Variants in RBMS1 observed in about 807,000 individuals in gnomAD.
RBMS1 encodes the protein RNA-binding motif, single-stranded-interacting protein 1.
In RBMS1, 17 loss-of-function variants were observed where a neutral mutation model predicts 62.3. The observed-to-expected ratio is 0.27, with a 90% CI of 0.19 to 0.41. The LOEUF (loss-of-function observed/expected upper bound fraction) is 0.41. Ranked by LOEUF, RBMS1 falls within the 10% of genes least tolerant of loss-of-function variation. RBMS1 has a pLI of 1.00. For synonymous variants in RBMS1, 172 were observed against 170.0 expected (o/e 1.01, Z -0.09); for missense variants, 334 against 504.5 (o/e 0.66, Z 3.24).
chr2:160,313,213 T>C lies in RBMS1; in HGVS notation c.345A>G (p.Ala115=). ...YGFVDFDSPA[A]AQKAVSALKA... Reference sequence around the variant, plus strand: ...TCAGGGCAGACACAGCTTTTTGAGCTGCTGCAGGGCTGTCAAAGTCGACAA... The same window carrying C: ...TCAGGGCAGACACAGCTTTTTGAGCCGCTGCAGGGCTGTCAAAGTCGACAA... Residue 115 remains alanine (A), a synonymous_variant, in exon 4 of 14, where the codon GCA becomes GCG. Transcript: ENST00000348849. The C allele has an allele frequency of 6.2e-7, 1 of 1,613,646 alleles. No homozygotes were observed. The highest frequency in any genetic ancestry group is 2.2e-5 in the East Asian group (1 of 44,822).
At chr2:160,471,716 T>TATATATATATATATATATA (rs371634389) in intron 1 of RBMS1, among the ~76,000 whole-genome samples, 46 of 76,200 alleles carry the variant, frequency 6.0e-4, no homozygotes, top group African/African-American at 8.4e-4. Context: ...TATATATATA[T>TATATATATATATATATATA]AACCTTTCAT....
At chr2:160,483,507 TCAG>T (rs1388596146) in intron 1 of RBMS1, among the ~76,000 whole-genome samples, 2 of 152,138 alleles carry the variant, frequency 1.3e-5, no homozygotes, top group Non-Finnish European at 2.9e-5. Flanking sequence ...GGATAAAGAA[TCAG>T]AAGAGAAAAC....
intron 1 of RBMS1, among the ~76,000 whole-genome samples, chr2:160,450,606 AGTG>A (rs1304095842): frequency 1.3e-5 from 2 of 151,042 alleles, no homozygotes; most frequent in Non-Finnish European, 3.0e-5. Context: ...AGTTTGTAAT[AGTG>A]GTGGTTTGTT....
chr2:160,404,348 C>T lies in RBMS1; in HGVS notation c.76-36957G>A, dbSNP rs751457088. Among the ~76,000 whole-genome samples the T allele has an allele frequency of 7.9e-5, 12 of 152,242 alleles. No individual in the cohort carries two copies. The East Asian group carries it at 2.1e-3, about 27-fold the overall frequency. The stretch of plus-strand genomic sequence containing the variant: ...CGTGGGGGCAGGTGAGAGATGAGTA[C>T]CAACCACCGCTGCTTTAACTGAAAC... On this transcript the variant is annotated intron_variant, in intron 1 of 13. Coordinates refer to ENST00000348849, the MANE Select transcript of RBMS1 (RefSeq NM_016836.4).
chr2:160,478,146 T>C (rs1292931501), intron 1 of RBMS1, among the ~76,000 whole-genome samples: 1 of 152,246 alleles, frequency 6.6e-6, no homozygotes, highest in Non-Finnish European at 1.5e-5. Flanking sequence ...ATGACACTTG[T>C]CAAATAATAA....
intron 11 of RBMS1, chr2:160,277,742 G>A: frequency 5.2e-6 from 1 of 190,508 alleles, no homozygotes; most frequent in South Asian, 9.6e-5. Flanking sequence ...TTTTCTAGCA[G>A]CCCCCTAAAC....
In RBMS1 at chr2:160,275,838, G is replaced by A. The variant is rs150896882; in HGVS notation, c.1144-124C>T. 717 of 1,340,706 alleles carry A rather than the reference G, an allele frequency of 5.3e-4. 5 individuals carry two copies. The African/African-American group carries it at 8.8e-3, about 16-fold the overall frequency. The allele number at this position is 1,340,706 out of a possible 1,614,324, so 83.1% of individuals were successfully genotyped here. On this transcript the variant is annotated intron_variant, in intron 12 of 13. Coordinates refer to ENST00000348849, the MANE Select transcript of RBMS1 (RefSeq NM_016836.4). The stretch of plus-strand genomic sequence containing the variant: ...TACTCTTTAAAGTAAATTTCTTCAC[G>A]TCATGTAGAGCTTTCAAGGTTAATC...
chr2:160,436,746 G>A (rs184577466), intron 1 of RBMS1, among the ~76,000 whole-genome samples: 16 of 152,190 alleles, frequency 1.1e-4, no homozygotes, highest in Admixed American at 8.5e-4. Flanking sequence ...TTCCGAGGGT[G>A]CTGCTGTCAT....
chr2:160,419,563 G>A (rs994655800), intron 1 of RBMS1, among the ~76,000 whole-genome samples: 30 of 152,108 alleles, frequency 2.0e-4, no homozygotes, highest in African/African-American at 6.5e-4. Context: ...GCTGATAATT[G>A]CTGAAGTTTT....
At chr2:160,302,156 TTAGA>T (rs2105951662) in intron 5 of RBMS1, among the ~76,000 whole-genome samples, 1 of 151,762 alleles carries the variant, frequency 6.6e-6, no homozygotes, top group South Asian at 2.1e-4. Context: ...AGATAAAAAA[TTAGA>T]TGGAAGGAGT....
chr2:160,366,181 C>G (rs1450178718), intron 2 of RBMS1, among the ~76,000 whole-genome samples: 1 of 152,188 alleles, frequency 6.6e-6, no homozygotes, highest in Non-Finnish European at 1.5e-5. Flanking sequence ...CACTCCTTCC[C>G]CCACCCATGG....
At chr2:160,329,393 T>TA (rs1486925766) in intron 2 of RBMS1, among the ~76,000 whole-genome samples, 3 of 152,176 alleles carry the variant, frequency 2.0e-5, no homozygotes, top group Admixed American at 1.3e-4. Flanking sequence ...GTTACAGCTG[T>TA]AAGAGCGGAT....
chr2:160,425,048 T>A (rs1426322419), intron 1 of RBMS1, among the ~76,000 whole-genome samples: 1 of 152,152 alleles, frequency 6.6e-6, no homozygotes, highest in East Asian at 1.9e-4. Flanking sequence ...AAATGGAATA[T>A]GGTCAATAAA....
intron 2 of RBMS1, among the ~76,000 whole-genome samples, chr2:160,338,078 T>C (rs75099132): frequency 0.011 from 1,625 of 152,218 alleles, 37 homozygotes; most frequent in African/African-American, 0.035. Context: ...AGGTTACAGA[T>C]TTCCTCTGGA....
At chr2:160,290,227 C>T (rs889446541) in intron 6 of RBMS1, among the ~76,000 whole-genome samples, 5 of 150,252 alleles carry the variant, frequency 3.3e-5, no homozygotes, top group Non-Finnish European at 5.9e-5. Flanking sequence ...TTCTATAGAG[C>T]GTACCTTTCA....
intron 1 of RBMS1, among the ~76,000 whole-genome samples, chr2:160,373,700 G>A (rs575941738): frequency 3.3e-5 from 5 of 152,276 alleles, no homozygotes; most frequent in African/African-American, 1.2e-4. Context: ...CAAAACTAGA[G>A]GGCCAAAAGA....
At chr2:160,471,691 G>GTGTGTATATATATATATATATATATATA (rs1275928756) in intron 1 of RBMS1, among the ~76,000 whole-genome samples, 2 of 65,942 alleles carry the variant, frequency 3.0e-5, no homozygotes, top group South Asian at 8.0e-4. Context: ...ATCCTTTGGT[G>GTGTGTATATATATATATATATATATATA]TATATATATA....
intron 4 of RBMS1, among the ~76,000 whole-genome samples, chr2:160,305,857 G>T (rs543022157): frequency 6.6e-6 from 1 of 152,172 alleles, no homozygotes; most frequent in East Asian, 1.9e-4. Flanking sequence ...AAAATATTGT[G>T]AGGCCAGGCA....
intron 5 of RBMS1, among the ~76,000 whole-genome samples, chr2:160,302,106 A>T: frequency 6.6e-6 from 1 of 152,176 alleles, no homozygotes; most frequent in Non-Finnish European, 1.5e-5. Context: ...AGAAACCAAA[A>T]TAACCACTAC....
Sources: allele counts gnomAD v4.1 joint callset (sites outside exome capture counted in the v4.1 genomes callset), GRCh38; gene constraint gnomAD v4.1.1; transcripts MANE v1.5; gene names NCBI Gene and HGNC (gene_info 2026-07-23, HGNC 2026-07-21).